Variants in SNRNP200 observed in about 807,000 individuals in gnomAD.
SNRNP200 encodes small nuclear ribonucleoprotein U5 subunit 200, also known as U5 small nuclear ribonucleoprotein 200 kDa helicase.
Under a neutral mutation model 255.2 loss-of-function variants are expected in SNRNP200, and 66 were observed. The ratio of observed to expected loss-of-function variants is 0.26; its 90% CI spans 0.21 to 0.32. SNRNP200 has a LOEUF of 0.32. SNRNP200 is among the 10% of genes least tolerant of loss of function. The pLI is 1.00. For missense variants in SNRNP200, 1,585 were observed against 2,749.8 expected, an observed-to-expected ratio of 0.58 and a Z score of 9.47; for synonymous variants, 939 against 1,027.8, an observed-to-expected ratio of 0.91 and a Z score of 1.65.
chr2:96,279,136 A>G (rs1684717936), intron 36 of SNRNP200, 138 bp from the exon 37 acceptor site: 2 of 743,148 alleles, frequency 2.7e-6, no homozygotes, highest in South Asian at 3.0e-5. Context: ...CACATTTAGA[A>G]AGTGCATCAC....
At position 96,297,623 on chromosome 2, in the gene SNRNP200, G is replaced by A. The variant is rs1475988979; in HGVS notation, c.1203+14C>T. On this transcript the variant is annotated intron_variant, in intron 10 of 44. Coordinates refer to ENST00000323853, the MANE Select transcript of SNRNP200 (RefSeq NM_014014.5). ...TCCATCAAGGCCTGGGAAATAAATC[G>A]CCCTGGATCCTACCTCTCCACCCTG... is the stretch of plus-strand genomic sequence containing the variant. 9 of 1,614,004 alleles carry A rather than the reference G, an allele frequency of 5.6e-6. No homozygotes were observed. The highest frequency in any genetic ancestry group is 1.6e-4 in the Middle Eastern group (1 of 6,084).
Position 96,289,920 on chromosome 2 carries a change from T to C in SNRNP200, c.2819A>G (p.His940Arg). The change falls in exon 21 of 45, where the codon CAT becomes CGT. Residue 940 changes from histidine to arginine, a missense_variant. Physicochemically the swap from His to Arg is conservative, Grantham distance 29. Around this residue, in one of 9 missense-constraint regions of SNRNP200, gnomAD observed 719 missense variants for 1,091.1 expected, o/e 0.66. Coordinates refer to ENST00000323853, the MANE Select transcript of SNRNP200 (RefSeq NM_014014.5). ...LRSPTLYGIS[H>R]DDLKGDPLLD... The stretch of plus-strand genomic sequence containing the variant: ...CAGGGGATCTCCCTTGAGGTCATCA[T>C]GAGAGATGCCATAGAGGGTTGGGGA... The C allele has an allele frequency of 3.1e-6, 5 of 1,614,100 alleles. No individual in the cohort carries two copies. The highest frequency in any genetic ancestry group is 1.7e-5 in the Admixed American group (1 of 60,020).
In SNRNP200 at chr2:96,289,982, C is replaced by T; in HGVS notation, c.2757G>A (p.Trp919Ter). The T allele has an allele frequency of 6.2e-7, 1 of 1,614,172 alleles. No individual in the cohort carries two copies. Among genetic ancestry groups the T allele is most frequent in the Non-Finnish European group, 8.5e-7 (1 of 1,180,030 alleles). Residue 919 changes from tryptophan to a stop codon, truncating the protein, a stop_gained, in exon 21 of 45, where the codon TGG becomes TGA. Coordinates refer to ENST00000323853, the MANE Select transcript of SNRNP200 (RefSeq NM_014014.5). LOFTEE classifies it high-confidence loss of function. The stretch of plus-strand genomic sequence containing the variant: ...GGATATAGAGGTAGGCATAGCCCAG[C>T]CAGTTCACCGCATCCTACAAGACAC... ...NVQNAKDAVN[W>*]LGYAYLYIRM...
rs749484510 is a variant in SNRNP200 at position 96,290,723 on chromosome 2, C to T, written c.2514G>A (p.Lys838=). The T allele has an allele frequency of 6.2e-7, 1 of 1,614,234 alleles. No homozygotes were observed. The highest frequency in any genetic ancestry group is 8.5e-7 in the Non-Finnish European group (1 of 1,180,034). Residue 838 remains lysine, a synonymous_variant, in exon 19 of 45, where the codon AAG becomes AAA. Coordinates refer to ENST00000323853, the MANE Select transcript of SNRNP200 (RefSeq NM_014014.5). The surrounding 1 kb of genome is among the most constrained non-coding windows in gnomAD (Gnocchi z 4.5). ...GTGCTCCCAGTTCTGTCCAACGCCC[C>T]TTCTCTGGACTGTACACCTGGGTGC... is the stretch of plus-strand genomic sequence containing the variant. ...IKGTQVYSPE[K]GRWTELGALD...
At chr2:96,303,072 G>C in intron 3 of SNRNP200, 87 bp downstream of exon 3, 1 of 1,411,654 alleles carries the variant, frequency 7.1e-7, no homozygotes, top group East Asian at 2.3e-5. Flanking sequence ...AAGATACTTA[G>C]CACTTCGAAG....
At chr2:96,289,015 A>C (rs2063867304) in intron 23 of SNRNP200, 22 bp downstream of exon 23, 1 of 1,589,932 alleles carries the variant, frequency 6.3e-7, no homozygotes, top group African/African-American at 1.3e-5. Flanking sequence ...TCCTTATCAA[A>C]GCAAAGAGGA....
intron 14 of SNRNP200, among the ~76,000 whole-genome samples, chr2:96,294,438 A>G (rs1312897669): frequency 2.2e-5 from 3 of 137,260 alleles, no homozygotes; most frequent in Non-Finnish European, 5.0e-5. Context: ...AACTCCGTCT[A>G]AAAAAAAAAA....
chr2:96,277,989 G>C lies in SNRNP200; in HGVS notation c.5611-39C>G. ...GAAAAATAGCTGGTGATGAACAGGT[G>C]ACCCTGCCTGAGACCAGCTCAGGCC... On this transcript the variant is annotated intron_variant, in intron 39 of 44. Coordinates refer to ENST00000323853, the MANE Select transcript of SNRNP200 (RefSeq NM_014014.5). This position sits in a 1 kb window ranked among gnomAD's most constrained non-coding sequence, Gnocchi z 4.4. 1 of 1,613,986 alleles carries C rather than the reference G, an allele frequency of 6.2e-7. No homozygotes were observed. The highest frequency in any genetic ancestry group is 2.2e-5 in the East Asian group (1 of 44,882).
chr2:96,296,990 A>G lies in SNRNP200; in HGVS notation c.1458T>C (p.Ser486=), dbSNP rs370876425. 7 of 1,614,152 alleles carry G rather than the reference A, an allele frequency of 4.3e-6. No homozygotes were observed. The highest frequency in any genetic ancestry group is 5.9e-6 in the Non-Finnish European group (7 of 1,180,036). ...TCTCAAGGGCAGCACGGTAGAGCTTACTCTGGATCCGATTCAGTGTTTTGA... is the reference window on the plus strand; with the variant it reads ...TCTCAAGGGCAGCACGGTAGAGCTTGCTCTGGATCCGATTCAGTGTTTTGA... The part of the protein sequence containing the change: ...EGFKTLNRIQ[S]KLYRAALETD... Residue 486 remains serine (S), a synonymous_variant, in exon 12 of 45, where the codon AGT becomes AGC. Coordinates refer to ENST00000323853, the MANE Select transcript of SNRNP200 (RefSeq NM_014014.5).
At position 96,293,002 on chromosome 2, in the gene SNRNP200, T is replaced by C; in HGVS notation, c.2130A>G (p.Glu710=). The C allele has an allele frequency of 6.2e-7, 1 of 1,614,228 alleles. No individual in the cohort carries two copies. Among genetic ancestry groups the C allele is most frequent in the Non-Finnish European group, 8.5e-7 (1 of 1,180,038 alleles). Residue 710 remains glutamate (E), a synonymous_variant, in exon 16 of 45, where the codon GAA becomes GAG. Coordinates refer to ENST00000323853, the MANE Select transcript of SNRNP200 (RefSeq NM_014014.5). ...TTTTTCCAGCATGTTCCATGATTTT[T>C]TCATAGACGATTTCATTCATGATCT... The part of the protein sequence containing the change: ...RFQIMNEIVY[E]KIMEHAGKNQ...
chr2:96,297,134 G>C, intron 11 of SNRNP200, 64 bp from the exon 12 acceptor site: 1 of 1,610,042 alleles, frequency 6.2e-7, no homozygotes, highest in Non-Finnish European at 8.5e-7. Context: ...CGTTATTGTG[G>C]GATTGCCAGG....
At chr2:96,280,316 G>A (rs557986681) in intron 35 of SNRNP200, among the ~76,000 whole-genome samples, 1 of 152,160 alleles carries the variant, frequency 6.6e-6, no homozygotes, top group African/African-American at 2.4e-5. Context: ...GGGCAACATG[G>A]TGAAAACCCA....
chr2:96,303,452 C>T, intron 2 of SNRNP200, 122 bp from the exon 3 acceptor site: 10 of 1,156,862 alleles, frequency 8.6e-6, no homozygotes, highest in Non-Finnish European at 1.3e-5. Context: ...AAACAGGTAT[C>T]TGAGCCTCAG....
In SNRNP200 at chr2:96,283,145, T is replaced by G; in HGVS notation, c.4915+56A>C. ...CACTGCCACCCGCACCCCTCAAGTT[T>G]AACACCACCACTTGGTGATACCCTT... On this transcript the variant is annotated intron_variant, in intron 34 of 44. Transcript: ENST00000323853. The surrounding 1 kb of genome is among the most constrained non-coding windows in gnomAD (Gnocchi z 4.7). The G allele has an allele frequency of 2.5e-6, 4 of 1,608,226 alleles. No individual in the cohort carries two copies. The highest frequency in any genetic ancestry group is 3.4e-6 in the Non-Finnish European group (4 of 1,177,826).
chr2:96,278,623 G>A lies in SNRNP200; in HGVS notation c.5412C>T (p.Ile1804=), dbSNP rs142524062. 1.7e-5 allele frequency: 28 copies of A among 1,614,078 alleles called. No homozygotes were observed. The East Asian group carries it at 2.0e-4, about 12-fold the overall frequency. The change falls in exon 38 of 45, where the codon ATC becomes ATT. Residue 1804 remains isoleucine (I), a synonymous_variant. Transcript: ENST00000323853. This position sits in a 1 kb window ranked among gnomAD's most constrained non-coding sequence, Gnocchi z 6.9. ...SDLEQSKCIS[I]EDEMDVAPLN... Reference sequence around the variant, plus strand: ...GAGGCGCCACGTCCATCTCGTCCTCGATGCTGATGCACTTGGACTGCTCCA... The same window carrying A: ...GAGGCGCCACGTCCATCTCGTCCTCAATGCTGATGCACTTGGACTGCTCCA...
At chr2:96,296,330 G>A (rs2063916417) in intron 13 of SNRNP200, among the ~76,000 whole-genome samples, 1 of 152,188 alleles carries the variant, frequency 6.6e-6, no homozygotes. Context: ...CCTTGTAAAA[G>A]ATGGCTCAGG....
In SNRNP200 at chr2:96,299,419, A is replaced by G. The variant is rs1313393730; in HGVS notation, c.639T>C (p.Asp213=). ...VQFESDEEEG[D]EDVYGEVREE... The stretch of plus-strand genomic sequence containing the variant: ...CTCGAACCTCCCCGTATACGTCTTC[A>G]TCACCTTCCTGTGGAAATGACCCCA... The change falls in exon 6 of 45, where the codon GAT becomes GAC. Residue 213 remains aspartate (D), a synonymous_variant. Coordinates refer to ENST00000323853, the MANE Select transcript of SNRNP200 (RefSeq NM_014014.5). The G allele has an allele frequency of 6.2e-7, 1 of 1,613,784 alleles. No homozygotes were observed. Among genetic ancestry groups the G allele is most frequent in the African/African-American group, 1.3e-5 (1 of 75,032 alleles).
In SNRNP200 at chr2:96,297,550, A is replaced by C. The variant is rs749353600; in HGVS notation, c.1204-14T>G. 3.4e-5 allele frequency: 55 copies of C among 1,614,062 alleles called. No individual in the cohort carries two copies. Among genetic ancestry groups the C allele is most frequent in the Non-Finnish European group, 4.5e-5 (53 of 1,180,020 alleles). On this transcript the variant is annotated splice_polypyrimidine_tract_variant and intron_variant, in intron 10 of 44. Transcript: ENST00000323853. ...TGGAGCCAGTGCCTGGGAATGTGAA[A>C]GACAAAAACACAAAGGAAGTAAGCA... is the stretch of plus-strand genomic sequence containing the variant.
Position 96,277,463 on chromosome 2 carries a change from C to CCCGCAACCCACGCTCGGT in SNRNP200, c.5931+58_5931+75dup. 6.4e-7 allele frequency: 1 copy of CCCGCAACCCACGCTCGGT among 1,564,474 alleles called. No individual in the cohort carries two copies. Among genetic ancestry groups the CCCGCAACCCACGCTCGGT allele is most frequent in the Non-Finnish European group, 8.8e-7 (1 of 1,137,882 alleles). On this transcript the variant is annotated intron_variant, in intron 41 of 44. Transcript: ENST00000323853. The surrounding 1 kb of genome is among the most constrained non-coding windows in gnomAD (Gnocchi z 4.4). ...AAGTTTAACTTACTGAGACTCACCTCCCGCAACCCACGCTCGGTCCACAAC... is the reference window on the plus strand; with the variant it reads ...AAGTTTAACTTACTGAGACTCACCTCCCGCAACCCACGCTCGGTCCGCAACCCACGCTCGGTCCACAAC...
Sources: allele counts gnomAD v4.1 joint callset (sites outside exome capture counted in the v4.1 genomes callset), GRCh38; gene constraint gnomAD v4.1.1; regional missense constraint gnomAD v4.1.1; non-coding constraint Gnocchi (gnomAD v3.1); transcripts MANE v1.5; gene names NCBI Gene and HGNC (gene_info 2026-07-23, HGNC 2026-07-21).